Variants in CHRM5 observed in about 807,000 individuals in gnomAD.
CHRM5 encodes the protein cholinergic receptor muscarinic 5.
CHRM5 carries 18 observed loss-of-function variants against 39.0 expected under a neutral mutation model. The ratio of observed to expected loss-of-function variants is 0.46; its 90% CI spans 0.32 to 0.68. The LOEUF is 0.68. Among genes scored for constraint, CHRM5 ranks in the 30% least tolerant of loss-of-function variants. The pLI, the probability that CHRM5 is intolerant of heterozygous loss-of-function variation, is 0.04. For missense variants in CHRM5, 515 were observed against 651.1 expected, an observed-to-expected ratio of 0.79 and a Z score of 2.28; for synonymous variants, 241 against 246.3, an observed-to-expected ratio of 0.98 and a Z score of 0.20.
chr15:33,975,704 G>A (rs891238756), intron 1 of CHRM5, among the ~76,000 whole-genome samples: 1 of 152,306 alleles, frequency 6.6e-6, no homozygotes. Flanking sequence ...GGCCGAGGCA[G>A]GTGAATCATG....
At chr15:33,992,801 T>A (rs560978842) in intron 1 of CHRM5, among the ~76,000 whole-genome samples, 1 of 152,326 alleles carries the variant, frequency 6.6e-6, no homozygotes, top group African/African-American at 2.4e-5. Flanking sequence ...GTCTAATTGT[T>A]GGCACAAGGA....
intron 1 of CHRM5, among the ~76,000 whole-genome samples, chr15:33,987,377 A>G (rs1363080597): frequency 6.6e-6 from 1 of 152,172 alleles, no homozygotes; most frequent in Non-Finnish European, 1.5e-5. Flanking sequence ...AGGGAAAGGG[A>G]AAGGCCAGGA....
chr15:34,038,919 C>T, intron 1 of CHRM5: 1 of 714,910 alleles, frequency 1.4e-6, no homozygotes. Flanking sequence ...GTCCCCGCCG[C>T]CGCCTCCGCC....
At chr15:34,042,176 T>G (rs1597382745) in intron 1 of CHRM5, among the ~76,000 whole-genome samples, 1 of 152,320 alleles carries the variant, frequency 6.6e-6, no homozygotes, top group African/African-American at 2.4e-5. Flanking sequence ...GACCTTTGGA[T>G]TGCATAAATA....
intron 2 of CHRM5, among the ~76,000 whole-genome samples, chr15:34,050,612 A>C (rs1435936478): frequency 6.6e-6 from 1 of 152,240 alleles, no homozygotes; most frequent in Admixed American, 6.5e-5. Context: ...GACTCATCTC[A>C]TGTGTGAAGA....
intron 1 of CHRM5, among the ~76,000 whole-genome samples, chr15:33,969,453 G>A (rs953808276): frequency 6.7e-6 from 1 of 150,122 alleles, no homozygotes; most frequent in Admixed American, 6.6e-5. Flanking sequence ...AGCCCTGAAT[G>A]GTGCATAAGA....
chr15:33,983,118 T>C (rs1896226319), intron 1 of CHRM5, among the ~76,000 whole-genome samples: 1 of 148,188 alleles, frequency 6.7e-6, no homozygotes, highest in African/African-American at 2.5e-5. Context: ...TATACATATA[T>C]GTCCATACTC....
intron 1 of CHRM5, among the ~76,000 whole-genome samples, chr15:34,031,498 T>A (rs8032480): frequency 2.6e-5 from 4 of 152,194 alleles, no homozygotes; most frequent in Non-Finnish European, 4.4e-5. Flanking sequence ...ATTAAAATGT[T>A]TGCTATCCCT....
In CHRM5 at chr15:34,014,380, AAAAACAAAAAC is replaced by A. The variant is rs1478969317; in HGVS notation, c.-407-32155_-407-32145del. On this transcript the variant is annotated intron_variant, in intron 1 of 2. Coordinates refer to ENST00000383263, the MANE Select transcript of CHRM5 (RefSeq NM_012125.4). ...ACTCCATCTCATTAAAAAAAAAAAA[AAAAACAAAAAC>A]AAAAACCACGTTTGAGGATTCTGGG... Among the ~76,000 whole-genome samples the A allele has an allele frequency of 1.6e-4, 19 of 118,842 alleles. 1 individual carries two copies. Among genetic ancestry groups the A allele is most frequent in the East Asian group, 1.0e-3 (4 of 3,926 alleles). The allele number at this position is 118,842 out of a possible 152,430, so 78.0% of individuals were successfully genotyped here.
chr15:33,997,823 G>A (rs890786637), intron 1 of CHRM5, among the ~76,000 whole-genome samples: 3 of 151,846 alleles, frequency 2.0e-5, no homozygotes, highest in African/African-American at 2.4e-5. Context: ...CCTTCCGTCC[G>A]GTCTTTCTGG....
rs1469385557 is a variant in CHRM5, at chr15:33,988,315, C to T, written c.-408+19165C>T. Among the ~76,000 whole-genome samples, 3 of 152,118 alleles carry T rather than the reference C, an allele frequency of 2.0e-5. No homozygotes were observed. The East Asian group carries it at 5.8e-4, about 29-fold the overall frequency. ...AGTATCAAGTGCAAAAAATTCCAACCTTGAAGCCAGGCATACTTAAGTTTG... is the reference window on the plus strand; with the variant it reads ...AGTATCAAGTGCAAAAAATTCCAACTTTGAAGCCAGGCATACTTAAGTTTG... On this transcript the variant is annotated intron_variant, in intron 1 of 2. Coordinates refer to ENST00000383263, the MANE Select transcript of CHRM5 (RefSeq NM_012125.4).
chr15:34,033,288 C>T (rs962910746), intron 1 of CHRM5, among the ~76,000 whole-genome samples: 1 of 152,128 alleles, frequency 6.6e-6, no homozygotes, highest in South Asian at 2.1e-4. Context: ...GGCGGACTGC[C>T]TGACCTCAGG....
At chr15:34,025,819 G>A (rs1898442267) in intron 1 of CHRM5, among the ~76,000 whole-genome samples, 1 of 152,014 alleles carries the variant, frequency 6.6e-6, no homozygotes, top group African/African-American at 2.4e-5. Flanking sequence ...GAAAAAGACA[G>A]GCACTGGACC....
chr15:34,008,019 A>G (rs1333650388), intron 1 of CHRM5, among the ~76,000 whole-genome samples: 1 of 152,154 alleles, frequency 6.6e-6, no homozygotes, highest in Non-Finnish European at 1.5e-5. Flanking sequence ...TCTGCAAACA[A>G]CCTATTTCCA....
chr15:34,042,313 A>G (rs1360681515), intron 1 of CHRM5, among the ~76,000 whole-genome samples: 2 of 152,194 alleles, frequency 1.3e-5, no homozygotes, highest in East Asian at 1.9e-4. Flanking sequence ...ATGAGTATCA[A>G]AACCAAAGTG....
At chr15:34,052,283 GA>G (rs541124270) in intron 2 of CHRM5, among the ~76,000 whole-genome samples, 1 of 152,046 alleles carries the variant, frequency 6.6e-6, no homozygotes, top group Non-Finnish European at 1.5e-5. Context: ...AAAAGGCTTT[GA>G]AAAAATTTAA....
intron 1 of CHRM5, among the ~76,000 whole-genome samples, chr15:33,981,897 C>T (rs1429481347): frequency 2.6e-5 from 4 of 152,130 alleles, no homozygotes; most frequent in African/African-American, 7.2e-5. Flanking sequence ...TGCAGTGGCG[C>T]GATCTTGGCT....
intron 1 of CHRM5, among the ~76,000 whole-genome samples, chr15:34,033,702 G>T (rs1372701919): frequency 6.6e-6 from 1 of 152,236 alleles, no homozygotes; most frequent in East Asian, 1.9e-4. Context: ...GTTGAATAAG[G>T]TTCTGTGGGA....
intron 1 of CHRM5, among the ~76,000 whole-genome samples, chr15:34,002,052 C>T (rs1897156845): frequency 6.6e-6 from 1 of 152,202 alleles, no homozygotes; most frequent in South Asian, 2.1e-4. Flanking sequence ...AGAAAGATCT[C>T]TTGTACACAT....
Sources: allele counts gnomAD v4.1 joint callset (sites outside exome capture counted in the v4.1 genomes callset), GRCh38; gene constraint gnomAD v4.1.1; transcripts MANE v1.5; gene names NCBI Gene and HGNC (gene_info 2026-07-23, HGNC 2026-07-21).